PRKG2: variants seen among roughly 807,000 people sequenced by gnomAD.
The protein encoded by PRKG2 is cGMP-dependent protein kinase 2.
PRKG2 carries 33 observed loss-of-function variants against 97.2 expected under a neutral mutation model. The ratio of observed to expected loss-of-function variants is 0.34; its 90% CI spans 0.26 to 0.45. The LOEUF (loss-of-function observed/expected upper bound fraction) is 0.45, where lower values mean the gene tolerates loss of function less well. PRKG2 is among the 20% of genes least tolerant of loss of function. The probability of loss-of-function intolerance (pLI) is 1.00; values close to 1 mark genes in which losing one functional copy is unlikely to be tolerated. For synonymous variants in PRKG2, 330 were observed against 321.8 expected, an observed-to-expected ratio of 1.03 and a Z score of -0.27; for missense variants, 638 against 900.0, an observed-to-expected ratio of 0.71 and a Z score of 3.73.
chr4:81,167,044 C>T, intron 6 of PRKG2, 117 bp downstream of exon 6: 1 of 703,942 alleles, frequency 1.4e-6, no homozygotes, highest in Non-Finnish European at 2.2e-6. Context: ...TAGAAAAAGG[C>T]TCTTGGTCTC....
rs187677035 is a variant in PRKG2 at position 81,147,856 on chromosome 4, C to T, written c.1154+1028G>A. 3.9e-3 allele frequency among the ~76,000 whole-genome samples: 591 copies of T among 152,106 alleles called. 6 individuals carry two copies. Among genetic ancestry groups the T allele is most frequent in the Non-Finnish European group, 4.2e-3 (287 of 67,996 alleles). On this transcript the variant is annotated intron_variant, in intron 9 of 18. Coordinates refer to ENST00000264399, the MANE Select transcript of PRKG2 (RefSeq NM_006259.3). ...GTCATGCATTACATGTAATACTTAG[C>T]TTTTAGAAATGCAACTAAAATGTAT...
upstream of PRKG2, among the ~76,000 whole-genome samples, chr4:81,217,031 G>GTATA (rs35897460): frequency 0.02 from 2,345 of 115,140 alleles, 113 homozygotes; most frequent in African/African-American, 0.069. Context: ...TATATATTTT[G>GTATA]TATATATATA....
At chr4:81,183,749 A>G (rs1304410616) in intron 2 of PRKG2, among the ~76,000 whole-genome samples, 1 of 152,138 alleles carries the variant, frequency 6.6e-6, no homozygotes, top group Non-Finnish European at 1.5e-5. Context: ...ACTAGCTTGA[A>G]ATTCTCACTG....
At chr4:81,112,285 A>G (rs1744069420) in intron 14 of PRKG2, among the ~76,000 whole-genome samples, 1 of 152,194 alleles carries the variant, frequency 6.6e-6, no homozygotes, top group African/African-American at 2.4e-5. Context: ...GGAATATTAC[A>G]AAATTAAAAT....
At chr4:81,184,189 C>T (rs1199507758) in intron 2 of PRKG2, among the ~76,000 whole-genome samples, 3 of 152,296 alleles carry the variant, frequency 2.0e-5, no homozygotes, top group Middle Eastern at 3.4e-3. Flanking sequence ...AACTGCCATG[C>T]GTACTGACTG....
At chr4:81,159,416 T>C (rs562463524) in intron 6 of PRKG2, among the ~76,000 whole-genome samples, 23 of 152,178 alleles carry the variant, frequency 1.5e-4, no homozygotes, top group African/African-American at 4.8e-4. Flanking sequence ...GAGATACCAT[T>C]TCACACCAGT....
intron 6 of PRKG2, among the ~76,000 whole-genome samples, chr4:81,155,527 T>G (rs989497267): frequency 1.3e-5 from 2 of 152,014 alleles, no homozygotes; most frequent in Non-Finnish European, 2.9e-5. Context: ...CCAGGAGAAC[T>G]TCCCCAATCT....
Position 81,215,025 on chromosome 4 carries a change from C to G in PRKG2, c.-103G>C, listed in dbSNP as rs1251314229. Reference sequence around the variant, plus strand: ...AGCGTCCTCTCCCACGCCGCCCTCCCCAGCCGCCTGCGGCGCCGGAGCCCA... The same window carrying G: ...AGCGTCCTCTCCCACGCCGCCCTCCGCAGCCGCCTGCGGCGCCGGAGCCCA... On this transcript the variant is annotated 5_prime_UTR_variant, in exon 1 of 19. Coordinates refer to ENST00000264399, the MANE Select transcript of PRKG2 (RefSeq NM_006259.3). 1 of 152,584 alleles carries G rather than the reference C, an allele frequency of 6.6e-6. No homozygotes were observed. The highest frequency in any genetic ancestry group is 2.4e-5 in the African/African-American group (1 of 41,478). 9.5% of individuals were successfully genotyped at this position (152,584 alleles called of 1,614,324 possible).
At chr4:81,159,595 C>T (rs1749428051) in intron 6 of PRKG2, among the ~76,000 whole-genome samples, 1 of 152,026 alleles carries the variant, frequency 6.6e-6, no homozygotes, top group African/African-American at 2.4e-5. Context: ...TTGACCCAGC[C>T]ATCCTATTAC....
At chr4:81,141,068 T>C (rs1248006055) in intron 11 of PRKG2, among the ~76,000 whole-genome samples, 1 of 152,116 alleles carries the variant, frequency 6.6e-6, no homozygotes, top group Non-Finnish European at 1.5e-5. Flanking sequence ...CAGAATGCAG[T>C]GGTGCAATCA....
At chr4:81,110,376 C>T (rs75137576) in intron 15 of PRKG2, 72 bp downstream of exon 15, 35 of 1,454,994 alleles carry the variant, frequency 2.4e-5, no homozygotes, top group Non-Finnish European at 3.0e-5. Context: ...AAAGTATATA[C>T]ACTTTATCAC....
chr4:81,157,454 A>G (rs1749205637), intron 6 of PRKG2, among the ~76,000 whole-genome samples: 1 of 152,186 alleles, frequency 6.6e-6, no homozygotes, highest in Non-Finnish European at 1.5e-5. Flanking sequence ...TACCAACAAA[A>G]AAGAGTCCAG....
At chr4:81,156,712 G>C (rs951548275) in intron 6 of PRKG2, among the ~76,000 whole-genome samples, 4 of 152,130 alleles carry the variant, frequency 2.6e-5, no homozygotes, top group Non-Finnish European at 5.9e-5. Flanking sequence ...TAAAAGAACA[G>C]AAATTATAAC....
intron 14 of PRKG2, among the ~76,000 whole-genome samples, chr4:81,130,027 G>A (rs961695659): frequency 1.3e-5 from 2 of 152,062 alleles, no homozygotes; most frequent in African/African-American, 2.4e-5. Context: ...GGCAGTCCTC[G>A]TAGTGACAAA....
At chr4:81,106,577 G>C (rs534716786) in intron 15 of PRKG2, among the ~76,000 whole-genome samples, 6 of 152,224 alleles carry the variant, frequency 3.9e-5, no homozygotes, top group Non-Finnish European at 8.8e-5. Context: ...TGATGGTAGT[G>C]AGAAAGTCAG....
intron 17 of PRKG2, among the ~76,000 whole-genome samples, chr4:81,097,339 A>C (rs1426334756): frequency 6.6e-6 from 1 of 151,300 alleles, no homozygotes; most frequent in East Asian, 1.9e-4. Flanking sequence ...GGAGGTCTCA[A>C]GAGTAGGCTT....
chr4:81,153,595 C>T (rs763104013), intron 7 of PRKG2, 49 bp downstream of exon 7: 1 of 1,441,030 alleles, frequency 6.9e-7, no homozygotes, highest in East Asian at 2.4e-5. Context: ...TTATGGCAAA[C>T]TGATTTAAAA....
intron 6 of PRKG2, among the ~76,000 whole-genome samples, chr4:81,158,355 T>C (rs1315236455): frequency 1.5e-5 from 2 of 136,446 alleles, no homozygotes; most frequent in Admixed American, 6.8e-5. Flanking sequence ...ATAAAATACC[T>C]AGGAATCCAA....
At chr4:81,204,549 A>T in intron 2 of PRKG2, 38 bp downstream of exon 2, 1 of 1,541,330 alleles carries the variant, frequency 6.5e-7, no homozygotes, top group South Asian at 1.2e-5. Flanking sequence ...TCACAATATT[A>T]AGCCCATCTG....
Sources: allele counts gnomAD v4.1 joint callset (sites outside exome capture counted in the v4.1 genomes callset), GRCh38; gene constraint gnomAD v4.1.1; transcripts MANE v1.5; gene names NCBI Gene and HGNC (gene_info 2026-07-23, HGNC 2026-07-21).